The following ZNF304 variants were observed in gnomAD, a reference collection of about 807,000 sequenced individuals.
ZNF304 encodes zinc finger protein 304.
ZNF304 carries 7 observed loss-of-function variants against 7.8 expected under a neutral mutation model. The observed-to-expected ratio is 0.90, with a 90% CI of 0.51 to 1.69. The LOEUF (loss-of-function observed/expected upper bound fraction) is 1.69. Ranked by LOEUF, ZNF304 falls within the 40% of genes most tolerant of loss-of-function variation. The probability of loss-of-function intolerance (pLI) is 0.00; values close to 1 mark genes in which losing one functional copy is unlikely to be tolerated. For synonymous variants in ZNF304, 280 were observed against 272.4 expected, an observed-to-expected ratio of 1.03 and a Z score of -0.27; for missense variants, 669 against 804.8, an observed-to-expected ratio of 0.83 and a Z score of 2.04.
At chr19:57,353,938 C>T (rs1197111388) in intron 2 of ZNF304, 87 bp downstream of exon 2, 6 of 1,100,764 alleles carry the variant, frequency 5.5e-6, no homozygotes, top group Middle Eastern at 2.1e-4. Flanking sequence ...AATTATCTCT[C>T]CAGTTTCAGT....
chr19:57,358,158 C>G lies in ZNF304; in HGVS notation c.*309C>G. On this transcript the variant is annotated 3_prime_UTR_variant, in exon 3 of 3. Transcript: ENST00000282286. ...CTACCAGCTGTGTGTGTCAATCACT[C>G]CATTTTGCTCAGGGAAGGCAGACTT... is the stretch of plus-strand genomic sequence containing the variant. 3.4e-6 allele frequency: 1 copy of G among 292,700 alleles called. No individual in the cohort carries two copies. The highest frequency in any genetic ancestry group is 6.0e-5 in the East Asian group (1 of 16,676). 18.1% of individuals were successfully genotyped at this position (292,700 alleles called of 1,614,324 possible). A position where few individuals can be genotyped will look rare whatever the true frequency, so the allele number is the denominator to read the frequency against.
Position 57,359,542 on chromosome 19 carries a change from A to G in ZNF304, c.*1693A>G, listed in dbSNP as rs1250095264. The G allele has an allele frequency of 2.0e-5, 3 of 152,240 alleles. No individual in the cohort carries two copies. The highest frequency in any genetic ancestry group is 2.9e-5 in the Non-Finnish European group (2 of 68,042). The allele number at this position is 152,240 out of a possible 1,614,324, so 9.4% of individuals were successfully genotyped here. A position where few individuals can be genotyped will look rare whatever the true frequency, so the allele number is the denominator to read the frequency against. On this transcript the variant is annotated 3_prime_UTR_variant, in exon 3 of 3. Coordinates refer to ENST00000282286, the MANE Select transcript of ZNF304 (RefSeq NM_020657.4). ...GTACACCTATGAAACCACCACAGTCAAGATATCCAACACAACAAAAGATTG... is the reference window on the plus strand; with the variant it reads ...GTACACCTATGAAACCACCACAGTCGAGATATCCAACACAACAAAAGATTG...
At chr19:57,353,538 G>C (rs2088300158) in intron 1 of ZNF304, among the ~76,000 whole-genome samples, 187 bp from the exon 2 acceptor site, 2 of 152,192 alleles carry the variant, frequency 1.3e-5, no homozygotes, top group Admixed American at 6.5e-5. Context: ...CTCTGGGCTG[G>C]ACACAGTGGT....
In ZNF304 at chr19:57,357,088, A is replaced by T; in HGVS notation, c.1219A>T (p.Ile407Phe). 2 of 1,612,352 alleles carry T rather than the reference A, an allele frequency of 1.2e-6. No homozygotes were observed. The highest frequency in any genetic ancestry group is 1.1e-5 in the South Asian group (1 of 90,890). Residue 407 changes from isoleucine (I) to phenylalanine (F), a missense_variant, in exon 3 of 3, where the codon ATT becomes TTT. By Grantham distance (21) the Ile-to-Phe change is conservative. Coordinates refer to ENST00000282286, the MANE Select transcript of ZNF304 (RefSeq NM_020657.4). ...ATTCTTTAGCCAAAGCTCCCACCTT[A>T]TTGAGCACTGGAGAATTCATACCGG... is the stretch of plus-strand genomic sequence containing the variant. ...GKFFSQSSHL[I>F]EHWRIHTGAR...
At position 57,356,349 on chromosome 19, in the gene ZNF304, C is replaced by T; in HGVS notation, c.480C>T (p.Val160=). Residue 160 remains valine (V), a synonymous_variant, in exon 3 of 3, where the codon GTC becomes GTT. Coordinates refer to ENST00000282286, the MANE Select transcript of ZNF304 (RefSeq NM_020657.4). ...CCTCATTTGTGAAGAGCTGTACAGT[C>T]CACATGTTAGGGAGATCCTTTACGT... ...GGASFVKSCT[V]HMLGRSFTCR... is the part of the protein sequence containing the mutation. The T allele has an allele frequency of 1.9e-6, 3 of 1,614,164 alleles. No individual in the cohort carries two copies. The highest frequency in any genetic ancestry group is 2.5e-6 in the Non-Finnish European group (3 of 1,180,028).
rs1290031251 is a variant in ZNF304, at chr19:57,351,829, A to T, written c.33+132A>T. The T allele has an allele frequency of 2.0e-6, 2 of 1,017,452 alleles. No individual in the cohort carries two copies. The highest frequency in any genetic ancestry group is 2.6e-5 in the East Asian group (1 of 38,532). 63.0% of individuals were successfully genotyped at this position (1,017,452 alleles called of 1,614,324 possible). On this transcript the variant is annotated intron_variant, in intron 1 of 2. Coordinates refer to ENST00000282286, the MANE Select transcript of ZNF304 (RefSeq NM_020657.4). This position sits in a 1 kb window ranked among gnomAD's most constrained non-coding sequence, Gnocchi z 4.1. ...GGGTTCCGCTCCCCTCATCAGTGGC[A>T]TAAGGTGTGGAACGGACTCGAAGGC...
In ZNF304 at chr19:57,351,771, T is replaced by C; in HGVS notation, c.33+74T>C. 6.6e-7 allele frequency: 1 copy of C among 1,503,998 alleles called. No homozygotes were observed. Among genetic ancestry groups the C allele is most frequent in the Non-Finnish European group, 9.0e-7 (1 of 1,106,220 alleles). 93.2% of individuals were successfully genotyped at this position (1,503,998 alleles called of 1,614,324 possible). Reference sequence around the variant, plus strand: ...TGGGATGTTCGCTCTCATCGCGCACTTCAGGGTGCTCACTCCGTCGCATTA... The same window carrying C: ...TGGGATGTTCGCTCTCATCGCGCACCTCAGGGTGCTCACTCCGTCGCATTA... On this transcript the variant is annotated intron_variant, in intron 1 of 2. Transcript: ENST00000282286. This position sits in a 1 kb window ranked among gnomAD's most constrained non-coding sequence, Gnocchi z 4.1.
intron 2 of ZNF304, chr19:57,355,268 C>T (rs1030381225): frequency 2.6e-6 from 2 of 765,084 alleles, no homozygotes; most frequent in Non-Finnish European, 4.8e-6. Flanking sequence ...GTTTGCGTTA[C>T]AGCTTTCATT....
In ZNF304 at chr19:57,356,964, C is replaced by T. The variant is rs922680941; in HGVS notation, c.1095C>T (p.Cys365=). 1.2e-6 allele frequency: 2 copies of T among 1,605,222 alleles called. No homozygotes were observed. Residue 365 remains cysteine, a synonymous_variant, in exon 3 of 3, where the codon TGC becomes TGT. Transcript: ENST00000282286. ...ACACAGGAGAAAGGCCTTATAAGTG[C>T]AACAAATGTGGGAAAGCCTTTAGCC... ...RIHTGERPYK[C]NKCGKAFSRK...
rs1348561633 is a variant in ZNF304, at chr19:57,357,429, A to G, written c.1560A>G (p.Val520=). The G allele has an allele frequency of 1.2e-6, 2 of 1,613,698 alleles. No individual in the cohort carries two copies. The highest frequency in any genetic ancestry group is 1.7e-6 in the Non-Finnish European group (2 of 1,179,952). The change falls in exon 3 of 3, where the codon GTA becomes GTG. Residue 520 remains valine (V), a synonymous_variant. Transcript: ENST00000282286. ...KFFSHSSNLI[V]HQRIHTGAKP... is the part of the protein sequence containing the mutation. Reference sequence around the variant, plus strand: ...TCAGCCATAGCTCCAACCTTATTGTACACCAGAGAATTCACACTGGAGCAA... The same window carrying G: ...TCAGCCATAGCTCCAACCTTATTGTGCACCAGAGAATTCACACTGGAGCAA...
chr19:57,351,502 T>C lies in ZNF304; in HGVS notation c.-163T>C. On this transcript the variant is annotated 5_prime_UTR_variant, in exon 1 of 3. Coordinates refer to ENST00000282286, the MANE Select transcript of ZNF304 (RefSeq NM_020657.4). The surrounding 1 kb of genome is among the most constrained non-coding windows in gnomAD (Gnocchi z 4.1). Reference sequence around the variant, plus strand: ...TACCGAGGCCTCCACACACGTCCTCTTGTCCTTGTCTCCCCCAGAAGCAGC... The same window carrying C: ...TACCGAGGCCTCCACACACGTCCTCCTGTCCTTGTCTCCCCCAGAAGCAGC... 5 of 833,288 alleles carry C rather than the reference T, an allele frequency of 6.0e-6. No homozygotes were observed. The highest frequency in any genetic ancestry group is 9.7e-6 in the Non-Finnish European group (5 of 516,232). 51.6% of individuals were successfully genotyped at this position (833,288 alleles called of 1,614,324 possible). A position where few individuals can be genotyped will look rare whatever the true frequency, so the allele number is the denominator to read the frequency against.
rs559577500 is a variant in ZNF304 at position 57,351,971 on chromosome 19, G to C, written c.33+274G>C. Reference sequence around the variant, plus strand: ...GGGGGTCAGAGGTAGGCCTGGAATGGCCGCCCGAGGAGCTGGTCCTCTCTT... The same window carrying C: ...GGGGGTCAGAGGTAGGCCTGGAATGCCCGCCCGAGGAGCTGGTCCTCTCTT... On this transcript the variant is annotated intron_variant, in intron 1 of 2. Coordinates refer to ENST00000282286, the MANE Select transcript of ZNF304 (RefSeq NM_020657.4). This position sits in a 1 kb window ranked among gnomAD's most constrained non-coding sequence, Gnocchi z 4.1. The C allele has an allele frequency of 6.0e-4, 256 of 426,398 alleles. No individual in the cohort carries two copies. The highest frequency in any genetic ancestry group is 9.7e-4 in the Non-Finnish European group (233 of 239,446). The allele number at this position is 426,398 out of a possible 1,614,324, so 26.4% of individuals were successfully genotyped here.
In ZNF304 at chr19:57,355,215, T is replaced by G. The variant is rs1016221657; in HGVS notation, c.161-815T>G. 20 of 757,926 alleles carry G rather than the reference T, an allele frequency of 2.6e-5. No individual in the cohort carries two copies. In the Admixed American group the frequency reaches 3.1e-4, roughly 12 times the overall value. 47.0% of individuals were successfully genotyped at this position (757,926 alleles called of 1,614,324 possible). A position where few individuals can be genotyped will look rare whatever the true frequency, so the allele number is the denominator to read the frequency against. ...GAGTATTTTTTCTAAACATTCTATT[T>G]TCTCTGTGGAGTGGGTCTACCTGCG... On this transcript the variant is annotated intron_variant, in intron 2 of 2. Coordinates refer to ENST00000282286, the MANE Select transcript of ZNF304 (RefSeq NM_020657.4).
In ZNF304 at chr19:57,357,024, T is replaced by C. The variant is rs748684458; in HGVS notation, c.1155T>C (p.His385=). ...CACTTGTTCAGCACCAGAGATTTCA[T>C]ACTGGAGAAAGGCCTTATGAGTGCA... ...KDTLVQHQRF[H]TGERPYECSE... is the part of the protein sequence containing the mutation. Residue 385 remains histidine (H), a synonymous_variant, in exon 3 of 3, where the codon CAT becomes CAC. Coordinates refer to ENST00000282286, the MANE Select transcript of ZNF304 (RefSeq NM_020657.4). 5.6e-6 allele frequency: 9 copies of C among 1,613,056 alleles called. No individual in the cohort carries two copies.
chr19:57,357,907 T>G lies in ZNF304; in HGVS notation c.*58T>G. ...TGAATGCAGAAAATATGTCATCTTG[T>G]TCATCCTCATAGGACTCACACCAGA... is the stretch of plus-strand genomic sequence containing the variant. On this transcript the variant is annotated 3_prime_UTR_variant, in exon 3 of 3. Transcript: ENST00000282286. The G allele has an allele frequency of 6.5e-6, 10 of 1,536,418 alleles. No individual in the cohort carries two copies. The highest frequency in any genetic ancestry group is 8.7e-6 in the Non-Finnish European group (10 of 1,146,592).
rs2092222201 is a variant in ZNF304, at chr19:57,358,522, ATTTT to A, written c.*674_*677del. On this transcript the variant is annotated 3_prime_UTR_variant, in exon 3 of 3. Coordinates refer to ENST00000282286, the MANE Select transcript of ZNF304 (RefSeq NM_020657.4). ...ATTGTGGCAGTCTTTACTCTTGGGG[ATTTT>A]GTTACTGTGTAGAGTGGATTGAGAA... 6.6e-6 allele frequency: 1 copy of A among 152,140 alleles called. No individual in the cohort carries two copies. Among genetic ancestry groups the A allele is most frequent in the African/African-American group, 2.4e-5 (1 of 41,360 alleles). 9.4% of individuals were successfully genotyped at this position (152,140 alleles called of 1,614,324 possible). A position where few individuals can be genotyped will look rare whatever the true frequency, so the allele number is the denominator to read the frequency against.
chr19:57,353,265 G>A (rs2088297311), intron 1 of ZNF304, among the ~76,000 whole-genome samples: 1 of 152,202 alleles, frequency 6.6e-6, no homozygotes, highest in Admixed American at 6.5e-5. Context: ...GGTGCATATG[G>A]CATGGGCCAG....
At position 57,351,686 on chromosome 19, in the gene ZNF304, G is replaced by A. The variant is rs1319551944; in HGVS notation, c.22G>A (p.Asp8Asn). MAAAVLM[D>N]RVQSCVTFED... ...TCTCATGGCAGCGGCGGTGCTGATG[G>A]ACCGGGTTCAGGTGAGTGGGGGCAT... is the stretch of plus-strand genomic sequence containing the variant. Residue 8 changes from aspartate (D) to asparagine (N), a missense_variant, in exon 1 of 3, where the codon GAC becomes AAC. Asp to Asn is a conservative substitution (Grantham distance 23). Transcript: ENST00000282286. This position sits in a 1 kb window ranked among gnomAD's most constrained non-coding sequence, Gnocchi z 4.1. The A allele has an allele frequency of 1.5e-5, 24 of 1,612,838 alleles. No individual in the cohort carries two copies. The highest frequency in any genetic ancestry group is 1.9e-5 in the Non-Finnish European group (22 of 1,179,540).
Position 57,357,610 on chromosome 19 carries a change from C to G in ZNF304, c.1741C>G (p.His581Asp). 5 of 1,614,204 alleles carry G rather than the reference C, an allele frequency of 3.1e-6. No individual in the cohort carries two copies. Among genetic ancestry groups the G allele is most frequent in the Non-Finnish European group, 4.2e-6 (5 of 1,180,030 alleles). Residue 581 changes from histidine (H) to aspartate (D), a missense_variant, in exon 3 of 3, where the codon CAC (histidine) becomes GAC (aspartate). By Grantham distance (81) the His-to-Asp change is moderately conservative. Transcript: ENST00000282286. ...CCACCTTGTTCAACACAAGAAAGTTCACACTGGAGCAAGACCTTATGAGTG... is the reference window on the plus strand; with the variant it reads ...CCACCTTGTTCAACACAAGAAAGTTGACACTGGAGCAAGACCTTATGAGTG... ...SSHLVQHKKV[H>D]TGARPYECSE...
Sources: allele counts gnomAD v4.1 joint callset (sites outside exome capture counted in the v4.1 genomes callset), GRCh38; gene constraint gnomAD v4.1.1; non-coding constraint Gnocchi (gnomAD v3.1); transcripts MANE v1.5; gene names NCBI Gene and HGNC (gene_info 2026-07-23, HGNC 2026-07-21).